The following NELL2 variants were observed in gnomAD, a reference collection of about 807,000 sequenced individuals.
The protein encoded by NELL2 is neural EGFL like 2.
Under a neutral mutation model 109.6 loss-of-function variants are expected in NELL2, and 41 were observed. The ratio of observed to expected loss-of-function variants is 0.37; its 90% CI spans 0.29 to 0.49. The LOEUF (loss-of-function observed/expected upper bound fraction) is 0.49, where lower values mean the gene tolerates loss of function less well. NELL2 is among the 20% of genes least tolerant of loss of function. NELL2 has a pLI of 0.98. For missense variants in NELL2, 900 were observed against 1,008.3 expected, an observed-to-expected ratio of 0.89 and a Z score of 1.45; for synonymous variants, 355 against 344.7, an observed-to-expected ratio of 1.03 and a Z score of -0.33.
intron 3 of NELL2, among the ~76,000 whole-genome samples, chr12:44,792,472 T>C (rs565639180): frequency 6.6e-6 from 1 of 152,078 alleles, no homozygotes; most frequent in Non-Finnish European, 1.5e-5. Context: ...AAAGAAGCCA[T>C]AAAGCAAAAC....
intron 2 of NELL2, among the ~76,000 whole-genome samples, chr12:44,825,000 G>A (rs1287160322): frequency 1.3e-5 from 2 of 152,096 alleles, no homozygotes; most frequent in Non-Finnish European, 2.9e-5. Context: ...GTGAGCCACC[G>A]TGCCCGGCCT....
At chr12:44,617,871 A>T (rs1273986858) in intron 13 of NELL2, among the ~76,000 whole-genome samples, 19 of 151,922 alleles carry the variant, frequency 1.3e-4, no homozygotes, top group Admixed American at 1.2e-3. Context: ...ATTTCATTTT[A>T]ATTCTGTGGA....
At chr12:44,600,106 C>T (rs964186733) in intron 15 of NELL2, among the ~76,000 whole-genome samples, 1 of 150,842 alleles carries the variant, frequency 6.6e-6, no homozygotes, top group Non-Finnish European at 1.5e-5. Context: ...GGACTGCAGG[C>T]GCCCGCCAGC....
At chr12:44,865,868 T>C (rs941329906) in intron 2 of NELL2, among the ~76,000 whole-genome samples, 3 of 150,888 alleles carry the variant, frequency 2.0e-5, no homozygotes, top group Non-Finnish European at 3.0e-5. Flanking sequence ...AATGAAATCA[T>C]ATCAAGTACC....
intron 15 of NELL2, among the ~76,000 whole-genome samples, chr12:44,548,540 G>A (rs549341751): frequency 5.6e-5 from 3 of 53,238 alleles, no homozygotes; most frequent in African/African-American, 1.2e-4. Flanking sequence ...GTGAGACTCC[G>A]TCTAAAAAAA....
At chr12:44,550,064 A>G (rs1446559884) in intron 15 of NELL2, among the ~76,000 whole-genome samples, 1 of 152,176 alleles carries the variant, frequency 6.6e-6, no homozygotes, top group Non-Finnish European at 1.5e-5. Context: ...AGGAAACAGA[A>G]TAGAGAGTCC....
At chr12:44,711,571 T>A (rs563205438) in intron 10 of NELL2, among the ~76,000 whole-genome samples, 177 bp from the exon 11 acceptor site, 1 of 152,084 alleles carries the variant, frequency 6.6e-6, no homozygotes, top group African/African-American at 2.4e-5. Flanking sequence ...GGAAAGTCTT[T>A]AGAATAAGCA....
At chr12:44,693,338 A>C (rs1948958108) in intron 12 of NELL2, among the ~76,000 whole-genome samples, 1 of 152,214 alleles carries the variant, frequency 6.6e-6, no homozygotes, top group Non-Finnish European at 1.5e-5. Context: ...ACTACAGTAG[A>C]GTGTAAATAT....
At chr12:44,534,101 TC>T (rs1942200259) in intron 15 of NELL2, among the ~76,000 whole-genome samples, 1 of 152,018 alleles carries the variant, frequency 6.6e-6, no homozygotes, top group African/African-American at 2.4e-5. Context: ...TTCAGTCTCA[TC>T]CCCCTCCAAA....
At chr12:44,879,137 A>G (rs1945383393), upstream of NELL2, among the ~76,000 whole-genome samples, 1 of 152,152 alleles carries the variant, frequency 6.6e-6, no homozygotes, top group Admixed American at 6.5e-5. Flanking sequence ...GAAAATATAG[A>G]AGGGCTATGA....
At chr12:44,553,677 C>T (rs747100082) in intron 15 of NELL2, among the ~76,000 whole-genome samples, 4 of 151,994 alleles carry the variant, frequency 2.6e-5, no homozygotes, top group Non-Finnish European at 5.9e-5. Context: ...ATATGGGTAT[C>T]GAAAATCACA....
chr12:44,561,708 T>C (rs986053503), intron 15 of NELL2, among the ~76,000 whole-genome samples: 5 of 152,270 alleles, frequency 3.3e-5, no homozygotes, highest in African/African-American at 1.2e-4. Flanking sequence ...TGCTCATGGA[T>C]AGGAAGAATC....
chr12:44,728,095 A>AAAAAAAT (rs1555206187), intron 9 of NELL2, among the ~76,000 whole-genome samples: 1 of 151,930 alleles, frequency 6.6e-6, no homozygotes, highest in Non-Finnish European at 1.5e-5. Flanking sequence ...CAGCCTAATA[A>AAAAAAAT]AAAAAATAAA....
At chr12:44,793,913 T>A (rs1942523407) in intron 3 of NELL2, among the ~76,000 whole-genome samples, 1 of 152,192 alleles carries the variant, frequency 6.6e-6, no homozygotes, top group Admixed American at 6.5e-5. Flanking sequence ...GAAAATATGA[T>A]AATTGTATAG....
chr12:44,602,948 T>C (rs1945270789), intron 15 of NELL2, among the ~76,000 whole-genome samples: 2 of 152,142 alleles, frequency 1.3e-5, no homozygotes, highest in South Asian at 4.1e-4. Flanking sequence ...ATAATTTCTA[T>C]TATCCATACT....
At chr12:44,853,902 G>C (rs1430641802) in intron 2 of NELL2, among the ~76,000 whole-genome samples, 1 of 152,118 alleles carries the variant, frequency 6.6e-6, no homozygotes, top group African/African-American at 2.4e-5. Flanking sequence ...CAGGTTCAAC[G>C]TTCAGTTACT....
intron 1 of NELL2, chr12:44,875,554 T>C (rs1945292485): frequency 6.2e-7 from 1 of 1,613,748 alleles, no homozygotes; most frequent in Admixed American, 1.7e-5. Context: ...CAGTCCCGTT[T>C]CCATGACCTC....
At chr12:44,831,173 C>T (rs1389529667) in intron 2 of NELL2, among the ~76,000 whole-genome samples, 2 of 151,988 alleles carry the variant, frequency 1.3e-5, no homozygotes, top group African/African-American at 4.8e-5. Flanking sequence ...ACAGAAGATT[C>T]ACTTACTGTC....
Position 44,876,134 on chromosome 12 carries a change from G to A in NELL2, c.-265C>T. On this transcript the variant is annotated 5_prime_UTR_variant, in exon 1 of 20. Coordinates refer to ENST00000429094, the MANE Select transcript of NELL2 (RefSeq NM_001145108.2). ...AGCGCGGCCCGGAGGGGGCCCGGAGGGAGGGGTCGGACTCGCCCCGGCGCG... is the reference window on the plus strand; with the variant it reads ...AGCGCGGCCCGGAGGGGGCCCGGAGAGAGGGGTCGGACTCGCCCCGGCGCG... 1 of 1,295,622 alleles carries A rather than the reference G, an allele frequency of 7.7e-7. No individual in the cohort carries two copies. Among genetic ancestry groups the A allele is most frequent in the Non-Finnish European group, 9.8e-7 (1 of 1,020,866 alleles). 80.3% of individuals were successfully genotyped at this position (1,295,622 alleles called of 1,614,324 possible).
Sources: gnomAD v4.1 joint callset for allele counts (sites outside exome capture counted in the v4.1 genomes callset) on GRCh38, gnomAD v4.1.1 for gene constraint, MANE v1.5 for transcripts, NCBI Gene and HGNC (gene_info 2026-07-23, HGNC 2026-07-21) for gene names.